Variants in DOCK5 observed in about 807,000 individuals in gnomAD.
DOCK5 encodes the protein dedicator of cytokinesis protein 5.
Under a neutral mutation model 251.8 loss-of-function variants are expected in DOCK5, and 142 were observed. The observed-to-expected ratio is 0.56, with a 90% CI of 0.49 to 0.65. The LOEUF is 0.65. DOCK5 is among the 30% of genes least tolerant of loss of function. The pLI is 0.00. For synonymous variants in DOCK5, 842 were observed against 835.5 expected, an observed-to-expected ratio of 1.01 and a Z score of -0.13; for missense variants, 2,111 against 2,312.3, an observed-to-expected ratio of 0.91 and a Z score of 1.79.
chr8:25,368,379 T>G, intron 32 of DOCK5, 129 bp downstream of exon 32: 1 of 1,122,324 alleles, frequency 8.9e-7, no homozygotes, highest in Non-Finnish European at 1.3e-6. Flanking sequence ...GAAGTGAAAG[T>G]TGATTTGTGG....
At chr8:25,276,493 A>G (rs2709609) in intron 4 of DOCK5, among the ~76,000 whole-genome samples, 150,214 of 152,044 alleles carry the variant, frequency 0.99, 74,222 homozygotes, top group Middle Eastern at 1. Context: ...GGACAGGAGA[A>G]TTCTGGAGGC....
intron 2 of DOCK5, among the ~76,000 whole-genome samples, chr8:25,258,294 C>A (rs1241528314): frequency 2.6e-5 from 4 of 151,998 alleles, no homozygotes; most frequent in Non-Finnish European, 5.9e-5. Context: ...CTGCTATCAC[C>A]CTCTGTGATA....
chr8:25,321,153 G>C (rs1805414921), intron 16 of DOCK5, 101 bp downstream of exon 16: 2 of 990,818 alleles, frequency 2.0e-6, no homozygotes, highest in Middle Eastern at 2.7e-4. Context: ...TTGGAAACTA[G>C]AGACTTGGCA....
intron 41 of DOCK5, 124 bp downstream of exon 41, chr8:25,389,356 A>G (rs1801218504): frequency 1.6e-6 from 2 of 1,283,512 alleles, no homozygotes; most frequent in Admixed American, 2.4e-5. Flanking sequence ...AAGCATTCTG[A>G]CACAGGTTCC....
intron 2 of DOCK5, among the ~76,000 whole-genome samples, chr8:25,244,341 G>T (rs1694558671): frequency 6.6e-6 from 1 of 152,202 alleles, no homozygotes; most frequent in African/African-American, 2.4e-5. Flanking sequence ...CCAAGCATTG[G>T]TCATGTCTGT....
chr8:25,275,571 A>G (rs1804026621), intron 4 of DOCK5, 130 bp downstream of exon 4: 1 of 898,186 alleles, frequency 1.1e-6, no homozygotes, highest in African/African-American at 1.8e-5. Flanking sequence ...GTGGTGGCTC[A>G]CGCCTGTAAT....
At chr8:25,272,603 T>C (rs913659790) in intron 3 of DOCK5, among the ~76,000 whole-genome samples, 6 of 152,326 alleles carry the variant, frequency 3.9e-5, no homozygotes, top group Middle Eastern at 3.4e-3. Flanking sequence ...ACTTCCAGAA[T>C]TGGATCCTTG....
chr8:25,254,773 C>CAAAAAAA (rs745860086), intron 2 of DOCK5, among the ~76,000 whole-genome samples: 175 of 6,564 alleles, frequency 0.027, 71 homozygotes, highest in Non-Finnish European at 0.032. Context: ...GACTTTGTCT[C>CAAAAAAA]AAAAAAAAAC....
At chr8:25,247,656 G>T (rs1417228682) in intron 2 of DOCK5, among the ~76,000 whole-genome samples, 1 of 152,058 alleles carries the variant, frequency 6.6e-6, no homozygotes, top group Non-Finnish European at 1.5e-5. Context: ...TTCTCCAGTT[G>T]GCCTATAAAC....
intron 48 of DOCK5, among the ~76,000 whole-genome samples, 162 bp downstream of exon 48, chr8:25,403,886 T>C (rs1481058677): frequency 2.0e-5 from 3 of 152,216 alleles, no homozygotes; most frequent in Non-Finnish European, 4.4e-5. Context: ...CAACAGTTAC[T>C]AAAAATGAAA....
At chr8:25,377,481 A>C in intron 38 of DOCK5, 57 bp downstream of exon 38, 2 of 1,562,742 alleles carry the variant, frequency 1.3e-6, no homozygotes, top group Non-Finnish European at 1.7e-6. Flanking sequence ...GCAGTATCGC[A>C]ATACAATTCT....
intron 11 of DOCK5, among the ~76,000 whole-genome samples, chr8:25,307,456 G>T (rs527327564): frequency 6.6e-6 from 1 of 152,122 alleles, no homozygotes; most frequent in East Asian, 1.9e-4. Context: ...GGTCATCTAG[G>T]CAGTCTGTCA....
intron 16 of DOCK5, among the ~76,000 whole-genome samples, chr8:25,321,971 A>G (rs1210195870): frequency 6.6e-6 from 1 of 152,232 alleles, no homozygotes; most frequent in Non-Finnish European, 1.5e-5. Context: ...TTCTCATGAA[A>G]AAACTCTTTC....
At chr8:25,293,087 G>A (rs6997965) in intron 6 of DOCK5, among the ~76,000 whole-genome samples, 26,226 of 152,124 alleles carry the variant, frequency 0.17, 5,358 homozygotes, top group African/African-American at 0.49. Flanking sequence ...ATCCAAATTG[G>A]TGGTGGCCTG....
At chr8:25,325,651 A>G in intron 18 of DOCK5, 104 bp downstream of exon 18, 2 of 1,379,496 alleles carry the variant, frequency 1.4e-6, no homozygotes, top group Non-Finnish European at 2.0e-6. Context: ...GGGTCTTATT[A>G]GGTAGGATGT....
At chr8:25,265,772 G>C (rs1563330671) in intron 2 of DOCK5, among the ~76,000 whole-genome samples, 1 of 151,928 alleles carries the variant, frequency 6.6e-6, no homozygotes, top group South Asian at 2.1e-4. Flanking sequence ...AAGTGTGCAG[G>C]AGCCAGAGAG....
intron 26 of DOCK5, among the ~76,000 whole-genome samples, chr8:25,348,210 T>G (rs1394448503): frequency 6.6e-6 from 1 of 152,238 alleles, no homozygotes; most frequent in African/African-American, 2.4e-5. Context: ...TTGTTTTATT[T>G]TTTTAAACAT....
intron 3 of DOCK5, 129 bp downstream of exon 3, chr8:25,269,014 C>T: frequency 1.3e-6 from 1 of 776,734 alleles, no homozygotes; most frequent in Non-Finnish European, 2.0e-6. Context: ...GATGGCTCTT[C>T]TTTGGATTTG....
rs760460873 is a variant in DOCK5 at position 25,298,986 on chromosome 8, A to G, written c.649A>G (p.Ser217Gly). ...NLDLRGQSIF[S>G]TIHTYGLYVN... ...CGATTTGCGGGGCCAGTCCATCTTCAGTACCATCCACACCTATGGCCTCTA... is the reference window on the plus strand; with the variant it reads ...CGATTTGCGGGGCCAGTCCATCTTCGGTACCATCCACACCTATGGCCTCTA... Residue 217 changes from serine to glycine, a missense_variant, in exon 8 of 52, where the codon AGT becomes GGT. Ser to Gly is a moderately conservative substitution (Grantham distance 56, BLOSUM62 0). This residue lies in a region of DOCK5 where 335 missense variants were observed against 324.9 expected (regional missense o/e 1.03). Transcript: ENST00000276440. The G allele has an allele frequency of 1.3e-5, 21 of 1,613,750 alleles. No individual in the cohort carries two copies. The highest frequency in any genetic ancestry group is 1.7e-5 in the Non-Finnish European group (20 of 1,179,786).
Sources: gnomAD v4.1 joint callset for allele counts (sites outside exome capture counted in the v4.1 genomes callset) on GRCh38, gnomAD v4.1.1 for gene constraint, gnomAD v4.1.1 regional missense constraint, MANE v1.5 for transcripts, NCBI Gene and HGNC (gene_info 2026-07-23, HGNC 2026-07-21) for gene names.